The following PTF1A variants were observed in gnomAD, a reference collection of about 807,000 sequenced individuals.
The protein encoded by PTF1A is pancreas associated transcription factor 1a.
In PTF1A, 18 loss-of-function variants were observed where a neutral mutation model predicts 22.6. The observed-to-expected ratio is 0.80, with a 90% confidence interval of 0.55 to 1.18. The LOEUF (loss-of-function observed/expected upper bound fraction) is 1.18, where lower values mean the gene tolerates loss of function less well. Among genes scored for constraint, PTF1A ranks in the 50% most tolerant of loss-of-function variants. The pLI is 0.00. For missense variants in PTF1A, 477 were observed against 473.0 expected (o/e 1.01, Z -0.08); for synonymous variants, 259 against 227.9 (o/e 1.14, Z -1.23).
Position 23,193,463 on chromosome 10 carries a change from GT to G in PTF1A, c.784+166del, listed in dbSNP as rs10592134. 0.095 allele frequency: 56,021 copies of G among 586,796 alleles called. 132 individuals carry two copies. Among genetic ancestry groups the G allele is most frequent in the East Asian group, 0.13 (4,094 of 30,454 alleles). 36.3% of individuals were successfully genotyped at this position (586,796 alleles called of 1,614,324 possible). On this transcript the variant is annotated intron_variant, in intron 1 of 1. Transcript: ENST00000376504. Reference sequence around the variant, plus strand: ...ACTTGAATGCGAGCTCGCGTTTCTCGTTTTTTTTTTTTTTTTTATTTTTCTG... The same window carrying G: ...ACTTGAATGCGAGCTCGCGTTTCTCGTTTTTTTTTTTTTTTTATTTTTCTG...
Position 23,192,420 on chromosome 10 carries a change from A to C in PTF1A, c.-111A>C. The C allele has an allele frequency of 2.5e-5, 35 of 1,395,244 alleles. No homozygotes were observed. The highest frequency in any genetic ancestry group is 9.1e-5 in the East Asian group (3 of 32,960). The allele number at this position is 1,395,244 out of a possible 1,614,324, so 86.4% of individuals were successfully genotyped here. A position where few individuals can be genotyped will look rare whatever the true frequency, so the allele number is the denominator to read the frequency against. ...GGGGCGGGCAGCCCGGCGGCCGCCT[A>C]GCTGCCCCCAGCCAGGGCCCCGGGA... On this transcript the variant is annotated 5_prime_UTR_variant, in exon 1 of 2. Coordinates refer to ENST00000376504, the MANE Select transcript of PTF1A (RefSeq NM_178161.3).
Position 23,192,872 on chromosome 10 carries a change from GC to G in PTF1A, c.345del (p.Gly116AlafsTer26). ...GAPPGGFPYS[P>X]GSPPSCLAYP... ...CGCCCCCAGGCGGCTTCCCCTACTC[GC>G]CCGGCTCGCCGCCCTCGTGCCTGGC... On this transcript the variant is annotated frameshift_variant, in exon 1 of 2. Transcript: ENST00000376504. LOFTEE classifies it high-confidence loss of function. The G allele has an allele frequency of 7.6e-7, 1 of 1,315,532 alleles. No individual in the cohort carries two copies. Among genetic ancestry groups the G allele is most frequent in the South Asian group, 2.2e-5 (1 of 45,160 alleles). The allele number at this position is 1,315,532 out of a possible 1,614,324, so 81.5% of individuals were successfully genotyped here. A position where few individuals can be genotyped will look rare whatever the true frequency, so the allele number is the denominator to read the frequency against.
intron 1 of PTF1A, 89 bp downstream of exon 1, chr10:23,193,403 A>C: frequency 7.8e-7 from 1 of 1,277,338 alleles, no homozygotes; most frequent in Middle Eastern, 2.8e-4. Context: ...CCAAGCAGAC[A>C]GTCGGACCGA....
Position 23,193,007 on chromosome 10 carries a change from G to T in PTF1A, c.477G>T (p.Ala159=), listed in dbSNP as rs1448913750. The change falls in exon 1 of 2, where the codon GCG becomes GCT. Residue 159 remains alanine (A), a synonymous_variant. Coordinates refer to ENST00000376504, the MANE Select transcript of PTF1A (RefSeq NM_178161.3). ...GCCGGCGGCGGGTGCGCTCCGAGGCGGAGCTGCAGCAGCTGCGGCAGGCGG... is the reference window on the plus strand; with the variant it reads ...GCCGGCGGCGGGTGCGCTCCGAGGCTGAGCTGCAGCAGCTGCGGCAGGCGG... ...ARRRRRVRSE[A]ELQQLRQAAN... is the part of the protein sequence containing the mutation. 2.4e-6 allele frequency: 3 copies of T among 1,237,368 alleles called. No homozygotes were observed. The highest frequency in any genetic ancestry group is 3.1e-6 in the Non-Finnish European group (3 of 975,630). The allele number at this position is 1,237,368 out of a possible 1,614,324, so 76.6% of individuals were successfully genotyped here. A position where few individuals can be genotyped will look rare whatever the true frequency, so the allele number is the denominator to read the frequency against.
In PTF1A at chr10:23,192,566, C is replaced by T. The variant is rs771729592; in HGVS notation, c.36C>T (p.Gly12=). ...TGTTGCTGGAGCACTTCCCCGGGGG[C>T]CTAGACGCCTTTCCTTCTTCGTACT... The part of the protein sequence containing the change: ...DAVLLEHFPG[G]LDAFPSSYFD... The change falls in exon 1 of 2, where the codon GGC becomes GGT. Residue 12 remains glycine (G), a synonymous_variant. Transcript: ENST00000376504. The T allele has an allele frequency of 2.5e-6, 4 of 1,598,360 alleles. No homozygotes were observed. The South Asian group carries it at 3.3e-5, about 13-fold the overall frequency.
Position 23,193,037 on chromosome 10 carries a change from C to G in PTF1A, c.507C>G (p.Asn169Lys), listed in dbSNP as rs1179292427. ...TGCAGCAGCTGCGGCAGGCGGCCAA[C>G]GTGCGCGAGCGGCGGCGCATGCAGT... ...AELQQLRQAA[N>K]VRERRRMQSI... The change falls in exon 1 of 2, where the codon AAC becomes AAG. Residue 169 changes from asparagine (N) to lysine (K), a missense_variant. Transcript: ENST00000376504. 7.7e-7 allele frequency: 1 copy of G among 1,306,438 alleles called. No homozygotes were observed. Among genetic ancestry groups the G allele is most frequent in the Non-Finnish European group, 9.9e-7 (1 of 1,015,016 alleles). 80.9% of individuals were successfully genotyped at this position (1,306,438 alleles called of 1,614,324 possible). A position where few individuals can be genotyped will look rare whatever the true frequency, so the allele number is the denominator to read the frequency against.
rs1840918852 is a variant in PTF1A, at chr10:23,193,289, G to A, written c.759G>A (p.Lys253=). 2.4e-6 allele frequency: 3 copies of A among 1,266,862 alleles called. No homozygotes were observed. The highest frequency in any genetic ancestry group is 1.5e-5 in the African/African-American group (1 of 64,660). 78.5% of individuals were successfully genotyped at this position (1,266,862 alleles called of 1,614,324 possible). A position where few individuals can be genotyped will look rare whatever the true frequency, so the allele number is the denominator to read the frequency against. ...ACAGCCCGGGCAGCCAGGCCCAGAA[G>A]GTCATCATCTGCCATCGGGGCACCC... is the stretch of plus-strand genomic sequence containing the variant. The part of the protein sequence containing the change: ...GGDSPGSQAQ[K]VIICHRGTRS... The change falls in exon 1 of 2, where the codon AAG becomes AAA. Residue 253 remains lysine (K), a synonymous_variant. Transcript: ENST00000376504.
rs1215781297 is a variant in PTF1A at position 23,192,837 on chromosome 10, G to A, written c.307G>A (p.Glu103Lys). ...CGGCGGCGGCGGCGGCTACTGCTGC[G>A]AGACGGGGGCGCCCCCAGGCGGCTT... ...DDGGGGGYCC[E>K]TGAPPGGFPY... Residue 103 changes from glutamate to lysine, a missense_variant, in exon 1 of 2, where the codon GAG becomes AAG. Coordinates refer to ENST00000376504, the MANE Select transcript of PTF1A (RefSeq NM_178161.3). 7.7e-7 allele frequency: 1 copy of A among 1,307,168 alleles called. No individual in the cohort carries two copies. The allele number at this position is 1,307,168 out of a possible 1,614,324, so 81.0% of individuals were successfully genotyped here. A position where few individuals can be genotyped will look rare whatever the true frequency, so the allele number is the denominator to read the frequency against.
rs1840897649 is a variant in PTF1A at position 23,192,375 on chromosome 10, G to C, written c.-156G>C. The stretch of plus-strand genomic sequence containing the variant: ...GCGCGGGCCAGAGCGCAGCGGCCGC[G>C]GGCACTCCAGGGAGGCCCGGGGGCG... On this transcript the variant is annotated 5_prime_UTR_variant, in exon 1 of 2. Transcript: ENST00000376504. 6 of 907,400 alleles carry C rather than the reference G, an allele frequency of 6.6e-6. No individual in the cohort carries two copies. The highest frequency in any genetic ancestry group is 1.8e-5 in the African/African-American group (1 of 55,750). The allele number at this position is 907,400 out of a possible 1,614,324, so 56.2% of individuals were successfully genotyped here.
At position 23,193,755 on chromosome 10, in the gene PTF1A, ACT is replaced by A; in HGVS notation, c.844_845del (p.Ser282MetfsTer3). ...TATGGCCTCCCTCCCCTAGCAGGACACTCTCTCTCATGGACTGATGAAAAACA... is the reference window on the plus strand; with the variant it reads ...TATGGCCTCCCTCCCCTAGCAGGACACTCTCTCATGGACTGATGAAAAACA... On this transcript the variant is annotated frameshift_variant, in exon 2 of 2. Transcript: ENST00000376504. LOFTEE classifies it high-confidence loss of function. 1.2e-6 allele frequency: 2 copies of A among 1,613,286 alleles called. No homozygotes were observed. Among genetic ancestry groups the A allele is most frequent in the Non-Finnish European group, 1.7e-6 (2 of 1,179,592 alleles).
Position 23,193,268 on chromosome 10 carries a change from C to G in PTF1A, c.738C>G (p.Ser246Arg). 1.6e-6 allele frequency: 2 copies of G among 1,246,264 alleles called. No homozygotes were observed. Among genetic ancestry groups the G allele is most frequent in the East Asian group, 6.4e-5 (2 of 31,204 alleles). 77.2% of individuals were successfully genotyped at this position (1,246,264 alleles called of 1,614,324 possible). The change falls in exon 1 of 2, where the codon AGC becomes AGG. Residue 246 changes from serine to arginine, a missense_variant. By Grantham distance (110) the Ser-to-Arg change is moderately radical. Coordinates refer to ENST00000376504, the MANE Select transcript of PTF1A (RefSeq NM_178161.3). ...PGGGGRLGGD[S>R]PGSQAQKVII... ...GCGGCGGGCGCCTGGGCGGGGACAG[C>G]CCGGGCAGCCAGGCCCAGAAGGTCA... is the stretch of plus-strand genomic sequence containing the variant.
chr10:23,193,732 T>C lies in PTF1A; in HGVS notation c.813T>C (p.Tyr271=). 6.2e-7 allele frequency: 1 copy of C among 1,613,228 alleles called. No individual in the cohort carries two copies. The highest frequency in any genetic ancestry group is 8.5e-7 in the Non-Finnish European group (1 of 1,179,344). The change falls in exon 2 of 2, where the codon TAT becomes TAC. Residue 271 remains tyrosine, a synonymous_variant. Coordinates refer to ENST00000376504, the MANE Select transcript of PTF1A (RefSeq NM_178161.3). The stretch of plus-strand genomic sequence containing the variant: ...CCCCCTCCCCCAGCGACCCTGATTA[T>C]GGCCTCCCTCCCCTAGCAGGACACT... ...TRSPSPSDPD[Y]GLPPLAGHSL...
chr10:23,192,857 C>T lies in PTF1A; in HGVS notation c.327C>T (p.Gly109=), dbSNP rs1261907024. 6.8e-6 allele frequency: 9 copies of T among 1,320,904 alleles called. No individual in the cohort carries two copies. The highest frequency in any genetic ancestry group is 3.0e-5 in the Admixed American group (1 of 33,120). The allele number at this position is 1,320,904 out of a possible 1,614,324, so 81.8% of individuals were successfully genotyped here. A position where few individuals can be genotyped will look rare whatever the true frequency, so the allele number is the denominator to read the frequency against. The change falls in exon 1 of 2, where the codon GGC becomes GGT. Residue 109 remains glycine (G), a synonymous_variant. Coordinates refer to ENST00000376504, the MANE Select transcript of PTF1A (RefSeq NM_178161.3). ...GCTGCGAGACGGGGGCGCCCCCAGGCGGCTTCCCCTACTCGCCCGGCTCGC... is the reference window on the plus strand; with the variant it reads ...GCTGCGAGACGGGGGCGCCCCCAGGTGGCTTCCCCTACTCGCCCGGCTCGC... The part of the protein sequence containing the change: ...GYCCETGAPP[G]GFPYSPGSPP...
In PTF1A at chr10:23,193,872, T is replaced by C; in HGVS notation, c.953T>C (p.Ile318Thr). Residue 318 changes from isoleucine (I) to threonine (T), a missense_variant, in exon 2 of 2, where the codon ATA (isoleucine) becomes ACA (threonine). Transcript: ENST00000376504. Reference protein sequence around the residue: ...KLNSKSSFNNIENEPPFEFVS With the variant: ...KLNSKSSFNNTENEPPFEFVS ...AACAGCAAATCTTCCTTCAACAACA[T>C]AGAAAACGAACCACCATTTGAGTTT... The C allele has an allele frequency of 6.2e-7, 1 of 1,614,006 alleles. No individual in the cohort carries two copies. The highest frequency in any genetic ancestry group is 8.5e-7 in the Non-Finnish European group (1 of 1,179,990).
In PTF1A at chr10:23,192,702, C is replaced by A; in HGVS notation, c.172C>A (p.His58Asn). 1 of 1,579,648 alleles carries A rather than the reference C, an allele frequency of 6.3e-7. No homozygotes were observed. Among genetic ancestry groups the A allele is most frequent in the South Asian group, 1.1e-5 (1 of 88,260 alleles). The change falls in exon 1 of 2, where the codon CAC (histidine) becomes AAC (asparagine). Residue 58 changes from histidine (H) to asparagine (N), a missense_variant. Coordinates refer to ENST00000376504, the MANE Select transcript of PTF1A (RefSeq NM_178161.3). ...AEVEFLSHQL[H>N]EYCYRDGACL... ...GGTGGAGTTCCTTAGCCACCAGCTC[C>A]ACGAGTACTGCTACCGCGACGGGGC...
chr10:23,192,355 G>A lies in PTF1A; in HGVS notation c.-176G>A, dbSNP rs1180226622. On this transcript the variant is annotated 5_prime_UTR_variant, in exon 1 of 2. Transcript: ENST00000376504. Reference sequence around the variant, plus strand: ...CCCTCCCCAGCGCAGCGCGAGCGCGGGCCAGAGCGCAGCGGCCGCGGGCAC... The same window carrying A: ...CCCTCCCCAGCGCAGCGCGAGCGCGAGCCAGAGCGCAGCGGCCGCGGGCAC... 1.5e-6 allele frequency: 1 copy of A among 682,844 alleles called. No homozygotes were observed. Among genetic ancestry groups the A allele is most frequent in the Non-Finnish European group, 2.2e-6 (1 of 455,610 alleles). The allele number at this position is 682,844 out of a possible 1,614,324, so 42.3% of individuals were successfully genotyped here.
Position 23,193,736 on chromosome 10 carries a change from C to T in PTF1A, c.817C>T (p.Leu273Phe). ...SPSPSDPDYG[L>F]PPLAGHSLSW... ...CTCCCCCAGCGACCCTGATTATGGC[C>T]TCCCTCCCCTAGCAGGACACTCTCT... The change falls in exon 2 of 2, where the codon CTC (leucine) becomes TTC (phenylalanine). Residue 273 changes from leucine to phenylalanine, a missense_variant. Coordinates refer to ENST00000376504, the MANE Select transcript of PTF1A (RefSeq NM_178161.3). 6 of 1,613,450 alleles carry T rather than the reference C, an allele frequency of 3.7e-6. No homozygotes were observed. Among genetic ancestry groups the T allele is most frequent in the Non-Finnish European group, 5.1e-6 (6 of 1,179,526 alleles).
At position 23,192,570 on chromosome 10, in the gene PTF1A, G is replaced by C; in HGVS notation, c.40G>C (p.Asp14His). The part of the protein sequence containing the change: ...VLLEHFPGGL[D>H]AFPSSYFDED... ...GCTGGAGCACTTCCCCGGGGGCCTAGACGCCTTTCCTTCTTCGTACTTCGA... is the reference window on the plus strand; with the variant it reads ...GCTGGAGCACTTCCCCGGGGGCCTACACGCCTTTCCTTCTTCGTACTTCGA... The change falls in exon 1 of 2, where the codon GAC becomes CAC. Residue 14 changes from aspartate to histidine, a missense_variant. Physicochemically the swap from Asp to His is moderately conservative, Grantham distance 81. Transcript: ENST00000376504. 3 of 1,601,172 alleles carry C rather than the reference G, an allele frequency of 1.9e-6. No homozygotes were observed. The highest frequency in any genetic ancestry group is 2.6e-6 in the Non-Finnish European group (3 of 1,174,152).
In PTF1A at chr10:23,194,047, T is replaced by C; in HGVS notation, c.*141T>C. The C allele has an allele frequency of 1.5e-6, 1 of 675,892 alleles. No individual in the cohort carries two copies. The highest frequency in any genetic ancestry group is 2.6e-6 in the Non-Finnish European group (1 of 379,092). 41.9% of individuals were successfully genotyped at this position (675,892 alleles called of 1,614,324 possible). The stretch of plus-strand genomic sequence containing the variant: ...TATTATTTATCTATTTATTATCCTG[T>C]TGAGTTGATGAAATAGATGATTTCT... On this transcript the variant is annotated 3_prime_UTR_variant, in exon 2 of 2. Coordinates refer to ENST00000376504, the MANE Select transcript of PTF1A (RefSeq NM_178161.3).
Sources: allele counts gnomAD v4.1 joint callset, GRCh38; gene constraint gnomAD v4.1.1; transcripts MANE v1.5; gene names NCBI Gene and HGNC (gene_info 2026-07-23, HGNC 2026-07-21).